FIG4: variants seen among roughly 807,000 people sequenced by gnomAD.
FIG4 encodes polyphosphoinositide phosphatase.
Under a neutral mutation model 118.6 loss-of-function variants are expected in FIG4, and 112 were observed. That is an observed-to-expected ratio of 0.94 (90% confidence interval 0.81 to 1.11). The LOEUF (loss-of-function observed/expected upper bound fraction) is 1.11, where lower values mean the gene tolerates loss of function less well. Ranked by LOEUF, FIG4 falls within the 50% of genes least tolerant of loss-of-function variation. FIG4 has a pLI of 0.00. For synonymous variants in FIG4, 369 were observed against 381.2 expected (o/e 0.97, Z 0.37); for missense variants, 969 against 1,111.7 (o/e 0.87, Z 1.83).
intron 3 of FIG4, 95 bp downstream of exon 3, chr6:109,716,663 T>G: frequency 7.1e-7 from 1 of 1,401,140 alleles, no homozygotes; most frequent in Non-Finnish European, 1.0e-6. Flanking sequence ...CTATAAGGCT[T>G]TAAAATTATA....
rs373483221 is a variant in FIG4, at chr6:109,772,925, C to T, written c.1751-3997C>T. 5.0e-4 allele frequency among the ~76,000 whole-genome samples: 76 copies of T among 152,308 alleles called. 1 individual carries two copies. The South Asian group carries it at 0.013, about 26-fold the overall frequency. ...CTAGAGTAAAAATGATGTCACATGA[C>T]GTTAAAATGAAGTCAAAATGTCAGC... is the stretch of plus-strand genomic sequence containing the variant. On this transcript the variant is annotated intron_variant, in intron 15 of 22. Coordinates refer to ENST00000230124, the MANE Select transcript of FIG4 (RefSeq NM_014845.6).
chr6:109,796,085 G>A (rs896726915), intron 21 of FIG4, among the ~76,000 whole-genome samples: 1 of 152,236 alleles, frequency 6.6e-6, no homozygotes, highest in African/African-American at 2.4e-5. Flanking sequence ...CATTTCCTCT[G>A]GCTCTTAGCT....
intron 3 of FIG4, among the ~76,000 whole-genome samples, chr6:109,726,514 G>C (rs1039308134): frequency 9.2e-5 from 14 of 151,714 alleles, no homozygotes. Context: ...CTTGTAGTAT[G>C]GTTTGAAGTC....
At chr6:109,817,429 C>G (rs1006600589) in intron 22 of FIG4, among the ~76,000 whole-genome samples, 2 of 152,142 alleles carry the variant, frequency 1.3e-5, no homozygotes, top group Non-Finnish European at 2.9e-5. Flanking sequence ...GGAAATTGTA[C>G]TGTTTATAAA....
rs1776058304 is a variant in FIG4 at position 109,733,142 on chromosome 6, G to A, written c.497+455G>A. 2.6e-5 allele frequency among the ~76,000 whole-genome samples: 4 copies of A among 152,038 alleles called. No individual in the cohort carries two copies. In the South Asian group the frequency reaches 8.3e-4, roughly 32 times the overall value. On this transcript the variant is annotated intron_variant, in intron 5 of 22. Transcript: ENST00000230124. The stretch of plus-strand genomic sequence containing the variant: ...TTGTAAATTAACAGTTTCCTGAGAA[G>A]GAATATGGCATTGAACATACATGAA...
intron 22 of FIG4, among the ~76,000 whole-genome samples, chr6:109,813,801 A>G (rs1423181184): frequency 2.6e-5 from 4 of 152,202 alleles, no homozygotes; most frequent in African/African-American, 4.8e-5. Context: ...GTGAGCAGCC[A>G]TATGGATAGG....
intron 22 of FIG4, among the ~76,000 whole-genome samples, chr6:109,822,823 A>ATC (rs1378627220): frequency 8.1e-6 from 1 of 123,152 alleles, no homozygotes; most frequent in Non-Finnish European, 1.7e-5. Context: ...ATATATATAT[A>ATC]TATATCGCTT....
At chr6:109,791,344 G>T in intron 19 of FIG4, 32 bp from the exon 20 acceptor site, 2 of 1,584,468 alleles carry the variant, frequency 1.3e-6, no homozygotes, top group Non-Finnish European at 1.7e-6. Flanking sequence ...TTAGTTTAAA[G>T]ATGCTTCACT....
chr6:109,768,587 C>G (rs1777353714), intron 15 of FIG4, among the ~76,000 whole-genome samples: 1 of 152,092 alleles, frequency 6.6e-6, no homozygotes, highest in African/African-American at 2.4e-5. Flanking sequence ...GAGAAAGAAC[C>G]ACTTCCCAGC....
At chr6:109,718,951 C>CT (rs1435844894) in intron 3 of FIG4, among the ~76,000 whole-genome samples, 3 of 143,642 alleles carry the variant, frequency 2.1e-5, no homozygotes, top group East Asian at 4.0e-4. Context: ...CAGAGCCTTG[C>CT]TGTGTCACCC....
At chr6:109,771,184 G>A (rs560373506) in intron 15 of FIG4, among the ~76,000 whole-genome samples, 6 of 152,170 alleles carry the variant, frequency 3.9e-5, no homozygotes, top group Non-Finnish European at 8.8e-5. Flanking sequence ...GGTAACTTTT[G>A]TTAAAGCCCA....
intron 19 of FIG4, among the ~76,000 whole-genome samples, chr6:109,790,414 G>C (rs1778105083): frequency 6.6e-6 from 1 of 152,206 alleles, no homozygotes; most frequent in South Asian, 2.1e-4. Flanking sequence ...GCCCTGACCA[G>C]ATGCTATGAG....
chr6:109,785,947 G>A, intron 17 of FIG4: 2 of 306,756 alleles, frequency 6.5e-6, no homozygotes, highest in Non-Finnish European at 1.3e-5. Flanking sequence ...AAATATAAAG[G>A]GAAACTTAGG....
intron 15 of FIG4, 128 bp downstream of exon 15, chr6:109,767,023 A>G: frequency 1.4e-6 from 1 of 732,322 alleles, no homozygotes; most frequent in Non-Finnish European, 2.3e-6. Flanking sequence ...ACAGTCTGTC[A>G]CTTAGAAGGT....
chr6:109,807,560 C>T (rs188363711), intron 22 of FIG4, among the ~76,000 whole-genome samples: 4 of 152,080 alleles, frequency 2.6e-5, no homozygotes, highest in African/African-American at 4.8e-5. Flanking sequence ...TGTAGGTTGC[C>T]TGTTCACTCT....
At chr6:109,819,988 C>G (rs9481007) in intron 22 of FIG4, among the ~76,000 whole-genome samples, 4,761 of 152,244 alleles carry the variant, frequency 0.031, 240 homozygotes, top group African/African-American at 0.11. Context: ...AAAAGTTGCT[C>G]CCACTCACAT....
intron 22 of FIG4, among the ~76,000 whole-genome samples, chr6:109,808,905 T>C (rs1459979959): frequency 6.6e-6 from 1 of 152,200 alleles, no homozygotes; most frequent in African/African-American, 2.4e-5. Flanking sequence ...TAATCAGATA[T>C]GTTACCATTT....
Position 109,691,375 on chromosome 6 carries a change from G to A in FIG4, c.-61G>A, listed in dbSNP as rs1454603155. 3.5e-6 allele frequency: 5 copies of A among 1,413,636 alleles called. No individual in the cohort carries two copies. The highest frequency in any genetic ancestry group is 4.9e-6 in the Non-Finnish European group (5 of 1,020,818). The allele number at this position is 1,413,636 out of a possible 1,614,324, so 87.6% of individuals were successfully genotyped here. A position where few individuals can be genotyped will look rare whatever the true frequency, so the allele number is the denominator to read the frequency against. ...CCAGGGCCTGAGGGGTTTTCTCGCC[G>A]AGTCTCCTGGGGCGGTCCGGAGGCT... On this transcript the variant is annotated 5_prime_UTR_variant, in exon 1 of 23. Transcript: ENST00000230124.
chr6:109,786,351 A>G lies in FIG4; in HGVS notation c.1998A>G (p.Lys666=), dbSNP rs1247367161. Residue 666 remains lysine (K), a synonymous_variant, in exon 18 of 23, where the codon AAA becomes AAG. Transcript: ENST00000230124. ...AGTTGATAGTGAAGAAATTCCACAA[A>G]TATGAAGAAGAGATTGATATCCACA... ...LKKLIVKKFH[K]YEEEIDIHNE... The G allele has an allele frequency of 6.2e-7, 1 of 1,613,668 alleles. No homozygotes were observed. Among genetic ancestry groups the G allele is most frequent in the Non-Finnish European group, 8.5e-7 (1 of 1,179,558 alleles).
Sources: gnomAD v4.1 joint callset for allele counts (sites outside exome capture counted in the v4.1 genomes callset) on GRCh38, gnomAD v4.1.1 for gene constraint, MANE v1.5 for transcripts, NCBI Gene and HGNC (gene_info 2026-07-23, HGNC 2026-07-21) for gene names.